Variants in COG5 observed in about 807,000 individuals in gnomAD.
COG5 encodes component of oligomeric golgi complex 5.
COG5 carries 86 observed loss-of-function variants against 110.4 expected under a neutral mutation model. The ratio of observed to expected loss-of-function variants is 0.78; its 90% CI spans 0.65 to 0.93. The LOEUF (loss-of-function observed/expected upper bound fraction) is 0.93, where lower values mean the gene tolerates loss of function less well. COG5 is among the 40% of genes least tolerant of loss of function. The pLI, the probability that COG5 is intolerant of heterozygous loss-of-function variation, is 0.00. For missense variants in COG5, 1,077 were observed against 987.0 expected, an observed-to-expected ratio of 1.09 and a Z score of -1.22; for synonymous variants, 360 against 334.6, an observed-to-expected ratio of 1.08 and a Z score of -0.83.
chr7:107,522,415 C>T (rs1316958357), intron 6 of COG5, among the ~76,000 whole-genome samples: 2 of 152,212 alleles, frequency 1.3e-5, no homozygotes, highest in East Asian at 1.9e-4. Context: ...TTGCGGTGAG[C>T]GGAGATTGCG....
At chr7:107,485,403 T>C (rs1364961790) in intron 6 of COG5, among the ~76,000 whole-genome samples, 1 of 152,212 alleles carries the variant, frequency 6.6e-6, no homozygotes, top group African/African-American at 2.4e-5. Flanking sequence ...ACTACACAAA[T>C]GTTTTATCAC....
rs759063795 is a variant in COG5 at position 107,548,164 on chromosome 7, C to G, written c.364G>C (p.Val122Leu). ...GAVDRIKAKI[V>L]EPYNKIVART... ...GCAACTATCTTATTGTATGGTTCAA[C>G]AATTTTTGCTTTTATCCTACAGGAA... Residue 122 changes from valine to leucine, a missense_variant, in exon 5 of 22, where the codon GTT becomes CTT. Physicochemically the swap from Val to Leu is conservative, Grantham distance 32. Transcript: ENST00000297135. 6.2e-7 allele frequency: 1 copy of G among 1,613,912 alleles called. No homozygotes were observed. Among genetic ancestry groups the G allele is most frequent in the Non-Finnish European group, 8.5e-7 (1 of 1,179,880 alleles).
intron 2 of COG5, 114 bp downstream of exon 2, chr7:107,557,862 G>T: frequency 1.5e-6 from 2 of 1,330,182 alleles, no homozygotes; most frequent in Non-Finnish European, 1.1e-6. Context: ...AAGTCACACT[G>T]GTAAGTATGT....
rs115760670 is a variant in COG5 at position 107,385,792 on chromosome 7, C to T, written c.670-13032G>A. Among the ~76,000 whole-genome samples the T allele has an allele frequency of 5.5e-3, 827 of 149,624 alleles. 9 individuals carry two copies. The highest frequency in any genetic ancestry group is 0.018 in the African/African-American group (726 of 40,714). ...TCCAATTTCTCAACATCCTTGCCAACGCTTGTTATTTTCTTTTTTTTTTTT... is the reference window on the plus strand; with the variant it reads ...TCCAATTTCTCAACATCCTTGCCAATGCTTGTTATTTTCTTTTTTTTTTTT... On this transcript the variant is annotated intron_variant, in intron 7 of 21. Coordinates refer to ENST00000297135, the MANE Select transcript of COG5 (RefSeq NM_006348.5).
At chr7:107,338,464 C>A in intron 10 of COG5, among the ~76,000 whole-genome samples, 1 of 151,986 alleles carries the variant, frequency 6.6e-6, no homozygotes, top group East Asian at 1.9e-4. Context: ...AGGAAAGAAG[C>A]TGAATTCTTA....
intron 6 of COG5, among the ~76,000 whole-genome samples, chr7:107,517,913 G>C (rs1478826533): frequency 6.6e-6 from 1 of 152,012 alleles, no homozygotes; most frequent in African/African-American, 2.4e-5. Context: ...GGTCAGGCTG[G>C]TCTCGAACTC....
At chr7:107,448,851 A>G (rs556030003) in intron 6 of COG5, among the ~76,000 whole-genome samples, 2 of 152,180 alleles carry the variant, frequency 1.3e-5, no homozygotes, top group Non-Finnish European at 2.9e-5. Context: ...AGAAATATCA[A>G]AAAAATTAAG....
intron 11 of COG5, among the ~76,000 whole-genome samples, chr7:107,311,604 A>AGGAT (rs1246102398): frequency 6.6e-6 from 1 of 150,506 alleles, no homozygotes; most frequent in East Asian, 1.9e-4. Context: ...CTTGTTAGCC[A>AGGAT]GGATGGTCTC....
chr7:107,360,619 A>C (rs1418756162), intron 10 of COG5, among the ~76,000 whole-genome samples: 7 of 152,110 alleles, frequency 4.6e-5, no homozygotes, highest in African/African-American at 1.7e-4. Flanking sequence ...TGTGGGCTAC[A>C]TTCCCCTCAT....
In COG5 at chr7:107,248,899, C is replaced by T. The variant is rs556113127; in HGVS notation, c.1750-400G>A. On this transcript the variant is annotated intron_variant, in intron 16 of 21. Coordinates refer to ENST00000297135, the MANE Select transcript of COG5 (RefSeq NM_006348.5). ...TTAAGAATTGGAACAACATCATATG[C>T]TTTTAACCAGAGTGAATATAATAAA... Among the ~76,000 whole-genome samples the T allele has an allele frequency of 7.2e-5, 11 of 152,258 alleles. No homozygotes were observed. The East Asian group carries it at 2.1e-3, about 29-fold the overall frequency.
chr7:107,309,717 TA>T (rs1422543973), intron 11 of COG5, among the ~76,000 whole-genome samples: 1 of 152,228 alleles, frequency 6.6e-6, no homozygotes, highest in Non-Finnish European at 1.5e-5. Context: ...GTCACACATC[TA>T]CATTCACTTA....
intron 6 of COG5, among the ~76,000 whole-genome samples, chr7:107,495,148 G>C (rs1209481044): frequency 6.6e-6 from 1 of 152,138 alleles, no homozygotes; most frequent in Non-Finnish European, 1.5e-5. Flanking sequence ...GCAGAAAGCT[G>C]GGGCCTTACT....
At chr7:107,350,344 T>G (rs1812023169) in intron 10 of COG5, among the ~76,000 whole-genome samples, 1 of 152,218 alleles carries the variant, frequency 6.6e-6, no homozygotes, top group Non-Finnish European at 1.5e-5. Context: ...TTACTGTATC[T>G]GCTCTTTTAT....
At chr7:107,494,441 C>T (rs1197948780) in intron 6 of COG5, among the ~76,000 whole-genome samples, 1 of 152,128 alleles carries the variant, frequency 6.6e-6, no homozygotes, top group African/African-American at 2.4e-5. Context: ...TTCCTATTGC[C>T]TACGATGTCA....
At chr7:107,232,647 CA>C (rs1800859558) in intron 18 of COG5, among the ~76,000 whole-genome samples, 1 of 152,144 alleles carries the variant, frequency 6.6e-6, no homozygotes, top group Non-Finnish European at 1.5e-5. Flanking sequence ...AGGACAATTT[CA>C]AAATGTTTAA....
intron 10 of COG5, among the ~76,000 whole-genome samples, chr7:107,354,204 GTTTA>G (rs914784776): frequency 2.2e-4 from 34 of 152,250 alleles, no homozygotes; most frequent in African/African-American, 7.9e-4. Context: ...CTTGACATTA[GTTTA>G]TTTAAGGAAG....
intron 8 of COG5, among the ~76,000 whole-genome samples, chr7:107,367,320 T>A (rs550637299): frequency 8.6e-5 from 13 of 151,956 alleles, no homozygotes; most frequent in Non-Finnish European, 1.5e-4. Flanking sequence ...AAGGGAGAGA[T>A]GAATATAGAA....
intron 10 of COG5, among the ~76,000 whole-genome samples, chr7:107,331,763 C>G (rs929289588): frequency 1.3e-5 from 2 of 150,884 alleles, no homozygotes; most frequent in East Asian, 3.9e-4. Flanking sequence ...AGCAGGTGGG[C>G]AAAGAAAGAT....
chr7:107,523,686 G>A (rs1323779599), intron 6 of COG5, among the ~76,000 whole-genome samples: 5 of 152,012 alleles, frequency 3.3e-5, no homozygotes, highest in African/African-American at 1.2e-4. Context: ...ATGGTGGTGG[G>A]CGCCTGTAAT....
Sources: allele counts gnomAD v4.1 joint callset (sites outside exome capture counted in the v4.1 genomes callset), GRCh38; gene constraint gnomAD v4.1.1; transcripts MANE v1.5; gene names NCBI Gene and HGNC (gene_info 2026-07-23, HGNC 2026-07-21).